Variants in RICTOR observed in about 807,000 individuals in gnomAD.
RICTOR encodes RPTOR independent companion of MTOR complex 2, also known as rapamycin-insensitive companion of mTOR.
A neutral mutation model predicts 214.9 loss-of-function variants in RICTOR; 49 were observed. That is an observed-to-expected ratio of 0.23 (90% CI 0.18 to 0.29). The LOEUF is 0.29. Ranked by LOEUF, RICTOR falls within the 10% of genes least tolerant of loss-of-function variation. The pLI, the probability that RICTOR is intolerant of heterozygous loss-of-function variation, is 1.00. For missense variants in RICTOR, 1,625 were observed against 2,047.0 expected (o/e 0.79, Z 3.98); for synonymous variants, 717 against 711.3 (o/e 1.01, Z -0.13).
chr5:38,944,829 T>C (rs573178317), intron 35 of RICTOR, 84 bp downstream of exon 35: 3 of 1,307,124 alleles, frequency 2.3e-6, no homozygotes, highest in Non-Finnish European at 2.2e-6. Context: ...AACTTTAATT[T>C]ACAGTATTTA....
chr5:38,985,292 T>A (rs1042513488), intron 7 of RICTOR, among the ~76,000 whole-genome samples: 2 of 152,116 alleles, frequency 1.3e-5, no homozygotes, highest in Non-Finnish European at 2.9e-5. Context: ...TTAAATCACC[T>A]CTAGATTACT....
intron 2 of RICTOR, among the ~76,000 whole-genome samples, chr5:39,047,654 C>T (rs1410221400): frequency 6.6e-6 from 1 of 152,168 alleles, no homozygotes; most frequent in Non-Finnish European, 1.5e-5. Context: ...TATGACTAGA[C>T]ACACTGAGAC....
At chr5:39,003,319 A>AG in intron 4 of RICTOR, among the ~76,000 whole-genome samples, 1 of 152,340 alleles carries the variant, frequency 6.6e-6, no homozygotes, top group African/African-American at 2.4e-5. Context: ...TTTAAATTAT[A>AG]GAAGTCCAGA....
At position 38,982,023 on chromosome 5, in the gene RICTOR, T is replaced by C. The variant is rs771857049; in HGVS notation, c.597A>G (p.Pro199=). ...GTCCACCTCGAAGGGCCACCACCTC[T>C]GGATTCTGAAGTGCTAAAAGAGAAA... ...AIICELALQN[P]EVVALRGGLN... is the part of the protein sequence containing the mutation. Residue 199 remains proline (P), a synonymous_variant, in exon 8 of 38, where the codon CCA becomes CCG. Coordinates refer to ENST00000357387, the MANE Select transcript of RICTOR (RefSeq NM_152756.5). The C allele has an allele frequency of 1.2e-5, 20 of 1,610,868 alleles. No individual in the cohort carries two copies. The South Asian group carries it at 2.1e-4, about 17-fold the overall frequency.
chr5:38,958,530 T>C lies in RICTOR; in HGVS notation c.2344-11A>G. The C allele has an allele frequency of 6.3e-7, 1 of 1,599,968 alleles. No individual in the cohort carries two copies. Among genetic ancestry groups the C allele is most frequent in the Non-Finnish European group, 8.5e-7 (1 of 1,171,422 alleles). On this transcript the variant is annotated splice_polypyrimidine_tract_variant and intron_variant, in intron 23 of 37. Coordinates refer to ENST00000357387, the MANE Select transcript of RICTOR (RefSeq NM_152756.5). ...AGCATGAAGATTGGCCTAAAAGAGA[T>C]TATCATTATTTTTTTATAATTGCAC...
At position 38,959,272 on chromosome 5, in the gene RICTOR, T is replaced by G; in HGVS notation, c.2101A>C (p.Thr701Pro). Residue 701 changes from threonine (T) to proline (P), a missense_variant, in exon 22 of 38, where the codon ACT becomes CCT. This residue lies in a region of RICTOR where 1,214 missense variants were observed against 1,470.5 expected (regional missense o/e 0.83). Coordinates refer to ENST00000357387, the MANE Select transcript of RICTOR (RefSeq NM_152756.5). ...CTGCTATAGTCCAAGCTAGAAACAG[T>G]AAGTTTTAGCAAGTGATCTTGGTTT... ...LKNQDHLLKL[T>P]VSSLDYSRDG... 1 of 1,596,184 alleles carries G rather than the reference T, an allele frequency of 6.3e-7. No homozygotes were observed. The highest frequency in any genetic ancestry group is 8.6e-7 in the Non-Finnish European group (1 of 1,169,258).
In RICTOR at chr5:38,978,653, A is replaced by AT; in HGVS notation, c.754-4dup. On this transcript the variant is annotated splice_polypyrimidine_tract_variant and splice_region_variant and intron_variant, in intron 8 of 37. Coordinates refer to ENST00000357387, the MANE Select transcript of RICTOR (RefSeq NM_152756.5). Reference sequence around the variant, plus strand: ...TCAGTATAGGGTGCTAAAATTCTCTATTTAAAAAAAAAAAGGAAGAAAAGA... The same window carrying AT: ...TCAGTATAGGGTGCTAAAATTCTCTATTTTAAAAAAAAAAAGGAAGAAAAGA... 1 of 1,451,378 alleles carries AT rather than the reference A, an allele frequency of 6.9e-7. No homozygotes were observed. Among genetic ancestry groups the AT allele is most frequent in the Non-Finnish European group, 9.5e-7 (1 of 1,049,660 alleles). The allele number at this position is 1,451,378 out of a possible 1,614,324, so 89.9% of individuals were successfully genotyped here.
rs913951969 is a variant in RICTOR, at chr5:38,939,157, T to C, written c.*3147A>G. 1.3e-5 allele frequency: 3 copies of C among 232,926 alleles called. No homozygotes were observed. The highest frequency in any genetic ancestry group is 2.5e-5 in the Non-Finnish European group (3 of 117,684). The allele number at this position is 232,926 out of a possible 1,614,324, so 14.4% of individuals were successfully genotyped here. A position where few individuals can be genotyped will look rare whatever the true frequency, so the allele number is the denominator to read the frequency against. On this transcript the variant is annotated 3_prime_UTR_variant, in exon 38 of 38. Transcript: ENST00000357387. Reference sequence around the variant, plus strand: ...TGCTTTAATGTGGGGATAAAAGGCATCCTCTGAATGGAATAACATTTTATA... The same window carrying C: ...TGCTTTAATGTGGGGATAAAAGGCACCCTCTGAATGGAATAACATTTTATA...
In RICTOR at chr5:38,949,997, G is replaced by A. The variant is rs757900166; in HGVS notation, c.3851C>T (p.Ser1284Leu). The A allele has an allele frequency of 6.2e-6, 10 of 1,613,342 alleles. No homozygotes were observed. The highest frequency in any genetic ancestry group is 1.6e-4 in the Middle Eastern group (1 of 6,082). ...AGAACCTGGAGGCACCAGGGACACC[G>A]AATTTGATTTGGAGAGAGACAGATG... is the stretch of plus-strand genomic sequence containing the variant. ...SNHLSLSKSN[S>L]VSLVPPGSSH... The change falls in exon 31 of 38, where the codon TCG becomes TTG. Residue 1284 changes from serine (S) to leucine (L), a missense_variant. Around this residue, in one of 5 missense-constraint regions of RICTOR, gnomAD observed 1,214 missense variants for 1,470.5 expected, o/e 0.83. Coordinates refer to ENST00000357387, the MANE Select transcript of RICTOR (RefSeq NM_152756.5).
chr5:38,962,933 T>G lies in RICTOR; in HGVS notation c.1509A>C (p.Ala503=). The G allele has an allele frequency of 6.2e-7, 1 of 1,612,996 alleles. No individual in the cohort carries two copies. The highest frequency in any genetic ancestry group is 1.3e-5 in the African/African-American group (1 of 75,018). Residue 503 remains alanine, a synonymous_variant, in exon 17 of 38, where the codon GCA becomes GCC. Transcript: ENST00000357387. ...HLDHIIQKAI[A]THQKRDQYLR... is the part of the protein sequence containing the mutation. ...GATACTGATCCCGTTTCTGGTGTGT[T>G]GCAATTGCTTTCTGAATAATGTGGT...
intron 2 of RICTOR, among the ~76,000 whole-genome samples, chr5:39,041,095 T>C (rs1295564342): frequency 6.6e-6 from 1 of 152,220 alleles, no homozygotes; most frequent in African/African-American, 2.4e-5. Flanking sequence ...CATGGTGGGT[T>C]GTCAATAAAC....
chr5:38,999,035 A>C (rs1436203859), intron 5 of RICTOR, among the ~76,000 whole-genome samples: 3 of 145,454 alleles, frequency 2.1e-5, no homozygotes, highest in East Asian at 3.9e-4. Flanking sequence ...GGCAAAAAAA[A>C]AAAAAAAAAA....
At chr5:38,953,663 T>C (rs1360851366) in intron 27 of RICTOR, 110 bp from the exon 28 acceptor site, 1 of 370,016 alleles carries the variant, frequency 2.7e-6, no homozygotes, top group Non-Finnish European at 4.9e-6. Context: ...TTTTTGCATA[T>C]TTAAATTCTA....
intron 2 of RICTOR, among the ~76,000 whole-genome samples, chr5:39,060,495 A>G (rs559470729): frequency 1.3e-5 from 2 of 152,162 alleles, no homozygotes; most frequent in South Asian, 4.1e-4. Context: ...ACAGGAATCA[A>G]AAGAGCGGTG....
Position 38,990,676 on chromosome 5 carries a change from A to ATATCT in RICTOR, c.583+272_583+273insAGATA, listed in dbSNP as rs1404366047. Among the ~76,000 whole-genome samples the ATATCT allele has an allele frequency of 4.9e-3, 486 of 99,880 alleles. 80 individuals carry two copies. The highest frequency in any genetic ancestry group is 0.016 in the African/African-American group (405 of 24,662). 65.5% of individuals were successfully genotyped at this position (99,880 alleles called of 152,430 possible). A position where few individuals can be genotyped will look rare whatever the true frequency, so the allele number is the denominator to read the frequency against. On this transcript the variant is annotated intron_variant, in intron 7 of 37. Coordinates refer to ENST00000357387, the MANE Select transcript of RICTOR (RefSeq NM_152756.5). ...ATATGATATATATCAGATATATATC[A>ATATCT]GATATATCATATATATGATATATAT...
At chr5:38,979,001 T>G (rs941561504) in intron 8 of RICTOR, among the ~76,000 whole-genome samples, 1 of 152,204 alleles carries the variant, frequency 6.6e-6, no homozygotes, top group African/African-American at 2.4e-5. Flanking sequence ...TCTTGACTTC[T>G]GACACTATGA....
intron 15 of RICTOR, 82 bp downstream of exon 15, chr5:38,966,559 A>T: frequency 1.4e-6 from 1 of 740,020 alleles, no homozygotes; most frequent in Non-Finnish European, 2.3e-6. Flanking sequence ...AGATAATACA[A>T]AGCAACACTA....
chr5:39,021,925 T>A (rs918858699), intron 2 of RICTOR, among the ~76,000 whole-genome samples: 11 of 152,170 alleles, frequency 7.2e-5, no homozygotes, highest in Non-Finnish European at 1.6e-4. Flanking sequence ...AAAAATTAGA[T>A]AAAATATATA....
At chr5:39,059,791 C>G (rs1009671736) in intron 2 of RICTOR, among the ~76,000 whole-genome samples, 13 of 151,974 alleles carry the variant, frequency 8.6e-5, no homozygotes, top group Non-Finnish European at 7.4e-5. Context: ...TTTCACTGAC[C>G]ATACAAATAA....
Sources: allele counts gnomAD v4.1 joint callset (sites outside exome capture counted in the v4.1 genomes callset), GRCh38; gene constraint gnomAD v4.1.1; regional missense constraint gnomAD v4.1.1; transcripts MANE v1.5; gene names NCBI Gene and HGNC (gene_info 2026-07-23, HGNC 2026-07-21).